DTD1: variants seen among roughly 807,000 people sequenced by gnomAD.
The protein encoded by DTD1 is D-tyrosyl-tRNA deacylase 1 homolog.
In DTD1, 13 loss-of-function variants were observed where a neutral mutation model predicts 25.6. That is an observed-to-expected ratio of 0.51 (90% CI 0.33 to 0.81). DTD1 has a LOEUF of 0.81. Among genes scored for constraint, DTD1 ranks in the 30% least tolerant of loss-of-function variants. The pLI is 0.02. For missense variants in DTD1, 193 were observed against 266.4 expected (o/e 0.72, Z 1.92); for synonymous variants, 110 against 103.6 (o/e 1.06, Z -0.37).
intron 5 of DTD1, among the ~76,000 whole-genome samples, chr20:18,760,629 G>T (rs1169949798): frequency 6.6e-6 from 1 of 152,170 alleles, no homozygotes; most frequent in Non-Finnish European, 1.5e-5. Flanking sequence ...GCCGTGTGAG[G>T]TGTTAGTCTG....
At chr20:18,726,837 G>A (rs2061224100) in intron 4 of DTD1, among the ~76,000 whole-genome samples, 1 of 152,194 alleles carries the variant, frequency 6.6e-6, no homozygotes, top group Non-Finnish European at 1.5e-5. Context: ...CCAGGAGATG[G>A]GGACACAGTG....
chr20:18,705,071 G>A (rs1019257952), intron 4 of DTD1, among the ~76,000 whole-genome samples: 9 of 152,182 alleles, frequency 5.9e-5, no homozygotes, highest in African/African-American at 2.2e-4. Flanking sequence ...TCTTATGCTT[G>A]ACAGCCATTT....
At chr20:18,601,354 C>A (rs1414610208) in intron 3 of DTD1, among the ~76,000 whole-genome samples, 1 of 152,034 alleles carries the variant, frequency 6.6e-6, no homozygotes, top group African/African-American at 2.4e-5. Flanking sequence ...CAAAAATTAG[C>A]CAGGTGTGGT....
chr20:18,645,611 A>G (rs1013031759), intron 4 of DTD1, among the ~76,000 whole-genome samples: 1 of 152,224 alleles, frequency 6.6e-6, no homozygotes, highest in African/African-American at 2.4e-5. Flanking sequence ...ATACAAAGGA[A>G]CCACAGAGGT....
intron 4 of DTD1, among the ~76,000 whole-genome samples, chr20:18,676,259 A>G (rs183906228): frequency 2.6e-4 from 39 of 152,244 alleles, no homozygotes; most frequent in Non-Finnish European, 4.7e-4. Context: ...TGTATGTTGT[A>G]CCCTTAACTG....
chr20:18,756,348 G>A (rs1205399691), intron 5 of DTD1, among the ~76,000 whole-genome samples: 4 of 152,138 alleles, frequency 2.6e-5, no homozygotes, highest in Non-Finnish European at 1.5e-5. Context: ...CCTTGCCCAT[G>A]CCTATGTCCT....
intron 5 of DTD1, among the ~76,000 whole-genome samples, chr20:18,759,685 A>G (rs2061353621): frequency 1.3e-5 from 2 of 151,956 alleles, no homozygotes; most frequent in Admixed American, 6.6e-5. Context: ...CTTCATTTCA[A>G]CTTTGGTGAA....
At chr20:18,739,476 G>A (rs1274958185) in intron 4 of DTD1, among the ~76,000 whole-genome samples, 1 of 152,152 alleles carries the variant, frequency 6.6e-6, no homozygotes, top group African/African-American at 2.4e-5. Flanking sequence ...GGAAGGCTGG[G>A]TTTCTCTCTA....
At position 18,588,718 on chromosome 20, in the gene DTD1, T is replaced by A; in HGVS notation, c.43+603T>A. On this transcript the variant is annotated intron_variant, in intron 1 of 5. Transcript: ENST00000377452. Reference sequence around the variant, plus strand: ...CCCCTCGCCCTCGCCCGCTGAACTCTGCGCGGAGGGGTCGGGATCTAAAGA... The same window carrying A: ...CCCCTCGCCCTCGCCCGCTGAACTCAGCGCGGAGGGGTCGGGATCTAAAGA... 4.1e-6 allele frequency: 4 copies of A among 985,284 alleles called. No homozygotes were observed. The South Asian group carries it at 1.9e-4, about 46-fold the overall frequency. 61.0% of individuals were successfully genotyped at this position (985,284 alleles called of 1,614,324 possible). A position where few individuals can be genotyped will look rare whatever the true frequency, so the allele number is the denominator to read the frequency against.
chr20:18,639,207 G>C (rs1354279421), intron 4 of DTD1, among the ~76,000 whole-genome samples: 1 of 144,300 alleles, frequency 6.9e-6, no homozygotes, highest in Non-Finnish European at 1.5e-5. Flanking sequence ...AAGCAAGCAA[G>C]TTCAGGGAAG....
intron 5 of DTD1, among the ~76,000 whole-genome samples, chr20:18,750,814 G>A (rs932413503): frequency 1.3e-5 from 2 of 152,146 alleles, no homozygotes; most frequent in South Asian, 4.1e-4. Context: ...AAATGATGTG[G>A]TTTCTGATTT....
intron 4 of DTD1, among the ~76,000 whole-genome samples, chr20:18,706,152 A>G (rs2073668729): frequency 6.6e-6 from 1 of 152,164 alleles, no homozygotes; most frequent in African/African-American, 2.4e-5. Context: ...GTTGGTTCAG[A>G]GTGGGGAATC....
chr20:18,682,854 G>T (rs2061002908), intron 4 of DTD1, among the ~76,000 whole-genome samples: 1 of 152,068 alleles, frequency 6.6e-6, no homozygotes, highest in Admixed American at 6.5e-5. Flanking sequence ...GTTTTCATAG[G>T]TTCATGCCCC....
At chr20:18,652,003 T>C (rs1307150111) in intron 4 of DTD1, among the ~76,000 whole-genome samples, 2 of 152,174 alleles carry the variant, frequency 1.3e-5, no homozygotes, top group African/African-American at 4.8e-5. Flanking sequence ...CCTGTCCCCA[T>C]TGGCAGTTCA....
Position 18,628,162 on chromosome 20 carries a change from C to G in DTD1, c.406C>G (p.Gln136Glu). The change falls in exon 4 of 6, where the codon CAG becomes GAG. Residue 136 changes from glutamine (Q) to glutamate (E), a missense_variant. Physicochemically the swap from Gln to Glu is conservative, Grantham distance 29. Coordinates refer to ENST00000377452, the MANE Select transcript of DTD1 (RefSeq NM_080820.6). Reference sequence around the variant, plus strand: ...TGGGGCCTACATGCAGGTGCACATTCAGAATGATGGGCCTGTGACCATAGA... The same window carrying G: ...TGGGGCCTACATGCAGGTGCACATTGAGAATGATGGGCCTGTGACCATAGA... ...KFGAYMQVHIQNDGPVTIELE... is the reference protein window; with the variant it reads ...KFGAYMQVHIENDGPVTIELE... 1 of 1,613,918 alleles carries G rather than the reference C, an allele frequency of 6.2e-7. No individual in the cohort carries two copies. The highest frequency in any genetic ancestry group is 8.5e-7 in the Non-Finnish European group (1 of 1,179,850).
At chr20:18,715,873 A>G (rs1470256140) in intron 4 of DTD1, among the ~76,000 whole-genome samples, 1 of 152,112 alleles carries the variant, frequency 6.6e-6, no homozygotes, top group Non-Finnish European at 1.5e-5. Flanking sequence ...TCGGGTGCTG[A>G]GTCTCCAGCA....
intron 4 of DTD1, among the ~76,000 whole-genome samples, chr20:18,667,154 T>A (rs1350560029): frequency 6.6e-6 from 1 of 152,196 alleles, no homozygotes; most frequent in African/African-American, 2.4e-5. Context: ...TGTAGTTTGC[T>A]TTTAAAAGGA....
chr20:18,672,947 G>T (rs771164699), intron 4 of DTD1, among the ~76,000 whole-genome samples: 6 of 152,192 alleles, frequency 3.9e-5, no homozygotes, highest in African/African-American at 1.2e-4. Flanking sequence ...GCCAAAAAGC[G>T]AGCGGGCCCT....
chr20:18,759,271 C>T (rs970274128), intron 5 of DTD1, among the ~76,000 whole-genome samples: 2 of 152,128 alleles, frequency 1.3e-5, no homozygotes, highest in Admixed American at 6.5e-5. Flanking sequence ...GAATTTGATC[C>T]TGTCATTATG....
Sources: allele counts gnomAD v4.1 joint callset (sites outside exome capture counted in the v4.1 genomes callset), GRCh38; gene constraint gnomAD v4.1.1; transcripts MANE v1.5; gene names NCBI Gene and HGNC (gene_info 2026-07-23, HGNC 2026-07-21).